SLC13A2: variants seen among roughly 807,000 people sequenced by gnomAD.
SLC13A2 encodes solute carrier family 13 member 2.
SLC13A2 carries 40 observed loss-of-function variants against 58.5 expected under a neutral mutation model. The ratio of observed to expected loss-of-function variants is 0.68; its 90% CI spans 0.53 to 0.89. The LOEUF is 0.89. SLC13A2 is among the 40% of genes least tolerant of loss of function. The probability of loss-of-function intolerance (pLI) is 0.00; values close to 1 mark genes in which losing one functional copy is unlikely to be tolerated. For synonymous variants in SLC13A2, 341 were observed against 331.6 expected, an observed-to-expected ratio of 1.03 and a Z score of -0.31; for missense variants, 694 against 772.6, an observed-to-expected ratio of 0.90 and a Z score of 1.21.
intron 6 of SLC13A2, 148 bp downstream of exon 6, chr17:28,492,000 C>T (rs1353322842): frequency 7.5e-6 from 9 of 1,201,320 alleles, no homozygotes; most frequent in Non-Finnish European, 1.0e-5. Flanking sequence ...CTTGGACCCC[C>T]ATTTGAGGAA....
intron 1 of SLC13A2, among the ~76,000 whole-genome samples, chr17:28,477,733 T>C (rs1216142754): frequency 1.3e-5 from 2 of 152,222 alleles, no homozygotes; most frequent in Non-Finnish European, 2.9e-5. Flanking sequence ...CAAAGCATTG[T>C]TAGATCATTT....
chr17:28,493,654 T>C lies in SLC13A2; in HGVS notation c.962T>C (p.Leu321Pro). The part of the protein sequence containing the change: ...AYCVIQTEHR[L>P]LGPMTFAEKA... ...TGCGTCATCCAGACCGAGCACAGGC[T>C]GCTGGGCCCCATGACCTTTGCAGAA... is the stretch of plus-strand genomic sequence containing the variant. The change falls in exon 7 of 12, where the codon CTG (leucine) becomes CCG (proline). Residue 321 changes from leucine to proline, a missense_variant. Coordinates refer to ENST00000314669, the MANE Select transcript of SLC13A2 (RefSeq NM_003984.4). 1 of 1,614,256 alleles carries C rather than the reference T, an allele frequency of 6.2e-7. No individual in the cohort carries two copies. Among genetic ancestry groups the C allele is most frequent in the Non-Finnish European group, 8.5e-7 (1 of 1,180,048 alleles).
rs1279237028 is a variant in SLC13A2, at chr17:28,494,167, T to C, written c.1186+62T>C. 8 of 1,531,102 alleles carry C rather than the reference T, an allele frequency of 5.2e-6. No homozygotes were observed. Among genetic ancestry groups the C allele is most frequent in the South Asian group, 1.1e-5 (1 of 88,978 alleles). The allele number at this position is 1,531,102 out of a possible 1,614,324, so 94.8% of individuals were successfully genotyped here. On this transcript the variant is annotated intron_variant, in intron 8 of 11. Transcript: ENST00000314669. This position sits in a 1 kb window ranked among gnomAD's most constrained non-coding sequence, Gnocchi z 4.0. The stretch of plus-strand genomic sequence containing the variant: ...GCAGCCCCTGCCTTCAAGTATGTAA[T>C]GTACCTTCCACCACACTTGGCAGGA...
Position 28,494,127 on chromosome 17 carries a change from G to A in SLC13A2, c.1186+22G>A, listed in dbSNP as rs782767077. Reference sequence around the variant, plus strand: ...CCAGGTAAGCACCTGGACTGGGGCAGGGAAGGGTCTCCGGGCAGCCCCTGC... The same window carrying A: ...CCAGGTAAGCACCTGGACTGGGGCAAGGAAGGGTCTCCGGGCAGCCCCTGC... On this transcript the variant is annotated intron_variant, in intron 8 of 11. Coordinates refer to ENST00000314669, the MANE Select transcript of SLC13A2 (RefSeq NM_003984.4). The surrounding 1 kb of genome is among the most constrained non-coding windows in gnomAD (Gnocchi z 4.0). 6.2e-7 allele frequency: 1 copy of A among 1,607,284 alleles called. No homozygotes were observed. The highest frequency in any genetic ancestry group is 1.1e-5 in the South Asian group (1 of 90,930).
In SLC13A2 at chr17:28,489,349, C is replaced by G. The variant is rs1473715310; in HGVS notation, c.231+7C>G. ...CATCGTGGATGCCTCTGAGGTGAGC[C>G]CCATCCATAGGAGAAAGCGTTCTGG... On this transcript the variant is annotated splice_region_variant and intron_variant, in intron 2 of 11. Coordinates refer to ENST00000314669, the MANE Select transcript of SLC13A2 (RefSeq NM_003984.4). 6.2e-7 allele frequency: 1 copy of G among 1,612,152 alleles called. No individual in the cohort carries two copies. The highest frequency in any genetic ancestry group is 1.7e-5 in the Admixed American group (1 of 59,906).
At chr17:28,479,626 A>C (rs1411235293) in intron 1 of SLC13A2, among the ~76,000 whole-genome samples, 2 of 152,266 alleles carry the variant, frequency 1.3e-5, no homozygotes, top group African/African-American at 4.8e-5. Flanking sequence ...AGCTGAAGTC[A>C]ATATTGCATT....
Position 28,496,603 on chromosome 17 carries a change from G to C in SLC13A2, c.1608+16G>C. The C allele has an allele frequency of 6.2e-7, 1 of 1,603,220 alleles. No individual in the cohort carries two copies. Among genetic ancestry groups the C allele is most frequent in the Non-Finnish European group, 8.5e-7 (1 of 1,172,572 alleles). ...GTTGGATATGGTAAGTGGCAGGGAG[G>C]CCTGAATGCCTCATCCCTCCTTCCT... On this transcript the variant is annotated intron_variant, in intron 11 of 11. Transcript: ENST00000314669. The surrounding 1 kb of genome is among the most constrained non-coding windows in gnomAD (Gnocchi z 4.2).
chr17:28,488,231 G>A (rs2068923542), intron 1 of SLC13A2, among the ~76,000 whole-genome samples: 1 of 152,220 alleles, frequency 6.6e-6, no homozygotes, highest in Admixed American at 6.5e-5. Flanking sequence ...AAGAGTGTGA[G>A]CTTAGCCTGT....
chr17:28,486,054 G>A (rs1555601915), intron 1 of SLC13A2, among the ~76,000 whole-genome samples: 1 of 151,682 alleles, frequency 6.6e-6, no homozygotes, highest in East Asian at 1.9e-4. Context: ...AAAATGCATG[G>A]GATTACAAAT....
In SLC13A2 at chr17:28,490,618, G is replaced by A. The variant is rs376740792; in HGVS notation, c.368+28G>A. ...GAGTTCCTCCTGCAAACCAGCACGG[G>A]AGAACCTGACGAGGAGATATTCTGG... On this transcript the variant is annotated intron_variant, in intron 3 of 11. Coordinates refer to ENST00000314669, the MANE Select transcript of SLC13A2 (RefSeq NM_003984.4). The A allele has an allele frequency of 5.0e-6, 8 of 1,589,864 alleles. No homozygotes were observed. The African/African-American group carries it at 1.1e-4, about 21-fold the overall frequency.
In SLC13A2 at chr17:28,495,753, C is replaced by T; in HGVS notation, c.1407C>T (p.Thr469=). The T allele has an allele frequency of 1.9e-6, 3 of 1,613,318 alleles. No individual in the cohort carries two copies. The highest frequency in any genetic ancestry group is 4.5e-5 in the East Asian group (2 of 44,870). ...IAIILSLLVA[T]FTECTSNVAT... ...TCATCCTCTCCCTCCTGGTGGCCAC[C>T]TTCACCGAGTGCACTAGCAACGTGG... The change falls in exon 10 of 12, where the codon ACC becomes ACT. Residue 469 remains threonine (T), a synonymous_variant. Transcript: ENST00000314669.
chr17:28,478,959 G>T (rs1337954270), intron 1 of SLC13A2, among the ~76,000 whole-genome samples: 2 of 152,140 alleles, frequency 1.3e-5, no homozygotes, highest in Non-Finnish European at 2.9e-5. Flanking sequence ...CTCCTGAGGA[G>T]GGTGTTCCAA....
In SLC13A2 at chr17:28,495,757, A is replaced by G; in HGVS notation, c.1411A>G (p.Thr471Ala). The G allele has an allele frequency of 6.2e-7, 1 of 1,613,344 alleles. No homozygotes were observed. The highest frequency in any genetic ancestry group is 8.5e-7 in the Non-Finnish European group (1 of 1,179,938). The change falls in exon 10 of 12, where the codon ACC (threonine) becomes GCC (alanine). Residue 471 changes from threonine (T) to alanine (A), a missense_variant. Physicochemically the swap from Thr to Ala is moderately conservative, Grantham distance 58. Coordinates refer to ENST00000314669, the MANE Select transcript of SLC13A2 (RefSeq NM_003984.4). ...IILSLLVATF[T>A]ECTSNVATTT... ...CCTCTCCCTCCTGGTGGCCACCTTC[A>G]CCGAGTGCACTAGCAACGTGGCCAC... is the stretch of plus-strand genomic sequence containing the variant.
intron 1 of SLC13A2, among the ~76,000 whole-genome samples, chr17:28,477,700 G>T (rs1405203074): frequency 6.6e-6 from 1 of 152,196 alleles, no homozygotes; most frequent in African/African-American, 2.4e-5. Context: ...TATTTTATGT[G>T]CTTGACATTA....
intron 6 of SLC13A2, 87 bp from the exon 7 acceptor site, chr17:28,493,484 C>CGTA: frequency 4.3e-6 from 5 of 1,160,678 alleles, no homozygotes; most frequent in Admixed American, 2.8e-5. Flanking sequence ...CTCTGTGGGC[C>CGTA]TCAGCCTTTA....
At chr17:28,485,908 T>C (rs1555601886) in intron 1 of SLC13A2, among the ~76,000 whole-genome samples, 1 of 152,026 alleles carries the variant, frequency 6.6e-6, no homozygotes, top group Non-Finnish European at 1.5e-5. Context: ...GGCAAGAGAA[T>C]TGCCTGTGCC....
chr17:28,489,466 ACT>A (rs782484861), intron 2 of SLC13A2, 124 bp downstream of exon 2: 1 of 1,156,902 alleles, frequency 8.6e-7, no homozygotes, highest in Non-Finnish European at 1.2e-6. Context: ...GGGGTTCCTG[ACT>A]CTGCATGAGG....
chr17:28,481,562 C>T (rs1465113057), intron 1 of SLC13A2, among the ~76,000 whole-genome samples: 5 of 152,124 alleles, frequency 3.3e-5, no homozygotes, highest in African/African-American at 1.2e-4. Context: ...GCTTTCTGGG[C>T]TTGGTCCTGA....
At position 28,490,603 on chromosome 17, in the gene SLC13A2, T is replaced by G. The variant is rs782370576; in HGVS notation, c.368+13T>G. 3.8e-6 allele frequency: 6 copies of G among 1,593,282 alleles called. No homozygotes were observed. The African/African-American group carries it at 6.7e-5, about 18-fold the overall frequency. Reference sequence around the variant, plus strand: ...TGCGGCCTGCCCCGTGAGTTCCTCCTGCAAACCAGCACGGGAGAACCTGAC... The same window carrying G: ...TGCGGCCTGCCCCGTGAGTTCCTCCGGCAAACCAGCACGGGAGAACCTGAC... On this transcript the variant is annotated intron_variant, in intron 3 of 11. Coordinates refer to ENST00000314669, the MANE Select transcript of SLC13A2 (RefSeq NM_003984.4).
Sources: gnomAD v4.1 joint callset for allele counts (sites outside exome capture counted in the v4.1 genomes callset) on GRCh38, gnomAD v4.1.1 for gene constraint, Gnocchi (gnomAD v3.1) non-coding constraint, MANE v1.5 for transcripts, NCBI Gene and HGNC (gene_info 2026-07-23, HGNC 2026-07-21) for gene names.